The following LTBP1 variants were observed in gnomAD, a reference collection of about 807,000 sequenced individuals.
The protein encoded by LTBP1 is latent transforming growth factor beta binding protein 1, also known as latent-transforming growth factor beta-binding protein 1.
A neutral mutation model predicts 207.6 loss-of-function variants in LTBP1; 129 were observed. That is an observed-to-expected ratio of 0.62 (90% CI 0.54 to 0.72). The LOEUF is 0.72. LTBP1 is among the 30% of genes least tolerant of loss of function. The pLI, the probability that LTBP1 is intolerant of heterozygous loss-of-function variation, is 0.00. For synonymous variants in LTBP1, 963 were observed against 833.7 expected (o/e 1.16, Z -2.67); for missense variants, 2,281 against 2,217.2 (o/e 1.03, Z -0.58).
intron 3 of LTBP1, among the ~76,000 whole-genome samples, chr2:33,068,151 G>A (rs2077611521): frequency 1.9e-5 from 2 of 107,662 alleles, no homozygotes; most frequent in African/African-American, 3.7e-5. Flanking sequence ...TAACATTTGC[G>A]ATTCTTTTTT....
Position 33,398,703 on chromosome 2 carries a change from A to C in LTBP1, c.*158A>C, listed in dbSNP as rs1376262490. 1 of 633,834 alleles carries C rather than the reference A, an allele frequency of 1.6e-6. No individual in the cohort carries two copies. The highest frequency in any genetic ancestry group is 2.6e-6 in the Non-Finnish European group (1 of 389,056). 39.3% of individuals were successfully genotyped at this position (633,834 alleles called of 1,614,324 possible). A position where few individuals can be genotyped will look rare whatever the true frequency, so the allele number is the denominator to read the frequency against. ...TCTGAAGACAATGAGAGGATTTAGG[A>C]TGAGCCCGATAGGTGTGGCAGACCA... On this transcript the variant is annotated 3_prime_UTR_variant, in exon 34 of 34. Transcript: ENST00000404816.
intron 15 of LTBP1, among the ~76,000 whole-genome samples, chr2:33,271,226 C>T (rs1046315864): frequency 6.6e-6 from 1 of 152,108 alleles, no homozygotes; most frequent in African/African-American, 2.4e-5. Context: ...TCAAGCTTTT[C>T]ATGAAAACCC....
chr2:33,094,589 T>C, intron 3 of LTBP1, among the ~76,000 whole-genome samples: 1 of 152,228 alleles, frequency 6.6e-6, no homozygotes, highest in East Asian at 1.9e-4. Context: ...TAGACCATTA[T>C]CACATGAGTT....
intron 2 of LTBP1, among the ~76,000 whole-genome samples, chr2:33,005,594 CTTTT>C (rs57363701): frequency 1.6e-4 from 21 of 132,918 alleles, no homozygotes; most frequent in Admixed American, 3.1e-4. Flanking sequence ...TAAGCTCTAC[CTTTT>C]TTTTTTTTTT....
intron 24 of LTBP1, among the ~76,000 whole-genome samples, chr2:33,315,916 G>A (rs1340618422): frequency 6.6e-6 from 1 of 152,100 alleles, no homozygotes; most frequent in African/African-American, 2.4e-5. Context: ...CAGCCTGGGC[G>A]ACAAGAGTAA....
At chr2:33,315,355 A>G (rs2094253829) in intron 24 of LTBP1, 86 bp downstream of exon 24, 2 of 1,520,452 alleles carry the variant, frequency 1.3e-6, no homozygotes, top group Non-Finnish European at 1.8e-6. Context: ...TGAAGACACT[A>G]AGAGGTACTG....
chr2:33,169,001 G>C (rs563149318), intron 5 of LTBP1, among the ~76,000 whole-genome samples: 22 of 152,288 alleles, frequency 1.4e-4, no homozygotes, highest in East Asian at 5.8e-4. Context: ...GCAGAGTTAG[G>C]GGGGAGCCAT....
chr2:32,963,557 T>C (rs150693), intron 2 of LTBP1, among the ~76,000 whole-genome samples: 151,499 of 152,276 alleles, frequency 0.99, 75,369 homozygotes, highest in Middle Eastern at 1. Flanking sequence ...CACTGAGGAG[T>C]GGCAAAGAAA....
intron 31 of LTBP1, among the ~76,000 whole-genome samples, chr2:33,372,987 T>G (rs2095088700): frequency 6.6e-6 from 1 of 152,220 alleles, no homozygotes; most frequent in African/African-American, 2.4e-5. Context: ...TTATACATAT[T>G]TGAACATTTG....
intron 30 of LTBP1, among the ~76,000 whole-genome samples, chr2:33,364,746 G>A (rs1466398686): frequency 6.6e-6 from 1 of 152,226 alleles, no homozygotes; most frequent in Non-Finnish European, 1.5e-5. Context: ...GTTCAACAGG[G>A]TGGTGGAGAG....
intron 26 of LTBP1, among the ~76,000 whole-genome samples, chr2:33,356,845 A>T (rs1573995092): frequency 6.6e-6 from 1 of 152,222 alleles, no homozygotes; most frequent in East Asian, 1.9e-4. Context: ...AATTCTGCTG[A>T]AAGTAATTTA....
At chr2:33,156,925 C>G (rs981026528) in intron 5 of LTBP1, among the ~76,000 whole-genome samples, 6 of 152,076 alleles carry the variant, frequency 3.9e-5, no homozygotes, top group Non-Finnish European at 8.8e-5. Context: ...TAAGAGAATT[C>G]AAAGAACTTT....
intron 10 of LTBP1, 78 bp from the exon 11 acceptor site, chr2:33,252,599 G>T: frequency 7.4e-7 from 1 of 1,344,776 alleles, no homozygotes; most frequent in Non-Finnish European, 1.0e-6. Context: ...ATACCTTAGG[G>T]TTCATTTTAC....
rs1211013076 is a variant in LTBP1 at position 33,150,704 on chromosome 2, C to CTTT, written c.1201+15747_1201+15749dup. Among the ~76,000 whole-genome samples the CTTT allele has an allele frequency of 5.5e-5, 6 of 108,840 alleles. 1 individual carries two copies. The highest frequency in any genetic ancestry group is 2.1e-4 in the African/African-American group (6 of 28,572). The allele number at this position is 108,840 out of a possible 152,430, so 71.4% of individuals were successfully genotyped here. A position where few individuals can be genotyped will look rare whatever the true frequency, so the allele number is the denominator to read the frequency against. ...TGCTTTCTTTTCTTTTTTCTTTTTT[C>CTTT]TTTTTCTTTTTTTTTTTTTTTTTTT... On this transcript the variant is annotated intron_variant, in intron 5 of 33. Transcript: ENST00000404816.
In LTBP1 at chr2:33,080,818, A is replaced by G. The variant is rs142455562; in HGVS notation, c.864-29764A>G. 3.3e-3 allele frequency among the ~76,000 whole-genome samples: 498 copies of G among 152,350 alleles called. 5 individuals carry two copies. The highest frequency in any genetic ancestry group is 0.011 in the African/African-American group (476 of 41,586). On this transcript the variant is annotated intron_variant, in intron 3 of 33. Coordinates refer to ENST00000404816, the MANE Select transcript of LTBP1 (RefSeq NM_206943.4). ...GTACTTTCAATACACACATCAATGTATAGTATATATCATGCGTATATACAC... is the reference window on the plus strand; with the variant it reads ...GTACTTTCAATACACACATCAATGTGTAGTATATATCATGCGTATATACAC...
At chr2:33,170,771 A>G (rs1312866185) in intron 5 of LTBP1, among the ~76,000 whole-genome samples, 13 of 152,070 alleles carry the variant, frequency 8.5e-5, no homozygotes, top group Non-Finnish European at 1.3e-4. Flanking sequence ...CAGTAGGGGC[A>G]GACTGACACC....
intron 3 of LTBP1, among the ~76,000 whole-genome samples, chr2:33,050,122 G>A (rs2076651511): frequency 6.7e-6 from 1 of 148,816 alleles, no homozygotes; most frequent in South Asian, 2.1e-4. Flanking sequence ...GGGATTATAG[G>A]CGTAAGCATT....
At chr2:33,209,207 A>C (rs1332409237) in intron 7 of LTBP1, among the ~76,000 whole-genome samples, 1 of 152,066 alleles carries the variant, frequency 6.6e-6, no homozygotes, top group Non-Finnish European at 1.5e-5. Flanking sequence ...CTCTTAGGCC[A>C]TTTCTTCTAG....
chr2:33,020,857 G>C, intron 2 of LTBP1, 52 bp from the exon 3 acceptor site: 1 of 1,486,452 alleles, frequency 6.7e-7, no homozygotes, highest in Non-Finnish European at 9.0e-7. Context: ...GAAAAATTAG[G>C]AAGTCTACAA....
Sources: gnomAD v4.1 joint callset for allele counts (sites outside exome capture counted in the v4.1 genomes callset) on GRCh38, gnomAD v4.1.1 for gene constraint, MANE v1.5 for transcripts, NCBI Gene and HGNC (gene_info 2026-07-23, HGNC 2026-07-21) for gene names.